Variants in TBC1D22A observed in about 807,000 individuals in gnomAD.
TBC1D22A encodes the protein TBC1 domain family member 22A, also known as putative GTPase activator.
In TBC1D22A, 38 loss-of-function variants were observed where a neutral mutation model predicts 60.2. That is an observed-to-expected ratio of 0.63 (90% confidence interval 0.49 to 0.83). The LOEUF is 0.83. Among genes scored for constraint, TBC1D22A ranks in the 40% least tolerant of loss-of-function variants. TBC1D22A has a pLI of 0.00. For missense variants in TBC1D22A, 628 were observed against 701.0 expected (o/e 0.90, Z 1.18); for synonymous variants, 302 against 281.7 (o/e 1.07, Z -0.72).
At chr22:47,153,469 G>A (rs1250496552) in intron 12 of TBC1D22A, among the ~76,000 whole-genome samples, 3 of 152,064 alleles carry the variant, frequency 2.0e-5, no homozygotes, top group Non-Finnish European at 2.9e-5. Context: ...TGACCCAGGG[G>A]CCAGGAGAGG....
chr22:47,062,486 C>G lies in TBC1D22A; in HGVS notation c.1329+25288C>G, dbSNP rs2063613698. ...TGAACCAATGTCCGTGTGTTCCTTTCTGTTTTATTCCAGAATACGGTGCAT... is the reference window on the plus strand; with the variant it reads ...TGAACCAATGTCCGTGTGTTCCTTTGTGTTTTATTCCAGAATACGGTGCAT... On this transcript the variant is annotated intron_variant, in intron 11 of 12. Coordinates refer to ENST00000337137, the MANE Select transcript of TBC1D22A (RefSeq NM_014346.5). 2.6e-5 allele frequency among the ~76,000 whole-genome samples: 4 copies of G among 152,302 alleles called. No individual in the cohort carries two copies. In the South Asian group the frequency reaches 8.3e-4, roughly 32 times the overall value.
intron 4 of TBC1D22A, among the ~76,000 whole-genome samples, chr22:46,826,413 A>G (rs1426943657): frequency 1.3e-5 from 2 of 152,226 alleles, no homozygotes; most frequent in Admixed American, 1.3e-4. Flanking sequence ...TAATTACTCA[A>G]TGTAAAATTA....
intron 6 of TBC1D22A, among the ~76,000 whole-genome samples, chr22:46,893,255 T>A (rs1345134724): frequency 6.6e-6 from 1 of 152,158 alleles, no homozygotes; most frequent in Non-Finnish European, 1.5e-5. Flanking sequence ...GGAGTCAGAG[T>A]TAAACGTTCA....
intron 12 of TBC1D22A, among the ~76,000 whole-genome samples, chr22:47,156,911 T>C (rs2067742332): frequency 1.3e-5 from 2 of 152,188 alleles, no homozygotes; most frequent in African/African-American, 4.8e-5. Flanking sequence ...CACAGCCCCA[T>C]GGTCTTCAGT....
At chr22:46,963,082 G>A (rs773505686) in intron 8 of TBC1D22A, among the ~76,000 whole-genome samples, 15 of 151,794 alleles carry the variant, frequency 9.9e-5, no homozygotes, top group Non-Finnish European at 1.5e-4. Context: ...TTAGCTGGGC[G>A]TGGTGGTGGG....
At chr22:46,802,949 G>C (rs944166064) in intron 4 of TBC1D22A, among the ~76,000 whole-genome samples, 23 of 152,212 alleles carry the variant, frequency 1.5e-4, no homozygotes, top group Non-Finnish European at 2.6e-4. Flanking sequence ...TTAGAGCCTG[G>C]GGTCTGCAGG....
chr22:47,083,278 G>A (rs5767477), intron 11 of TBC1D22A, among the ~76,000 whole-genome samples: 72,203 of 151,622 alleles, frequency 0.48, 17,968 homozygotes, highest in African/African-American at 0.6. Context: ...AGATCTCTGT[G>A]TTTTAAATTA....
At chr22:46,838,716 T>G (rs1160880249) in intron 4 of TBC1D22A, among the ~76,000 whole-genome samples, 3 of 152,186 alleles carry the variant, frequency 2.0e-5, no homozygotes, top group Non-Finnish European at 1.5e-5. Flanking sequence ...GACACTGTGA[T>G]TAATTGGGAT....
At chr22:46,870,211 C>T (rs960667463) in intron 4 of TBC1D22A, among the ~76,000 whole-genome samples, 1 of 152,202 alleles carries the variant, frequency 6.6e-6, no homozygotes, top group South Asian at 2.1e-4. Context: ...AGTCTTTGGC[C>T]AAGCTGGTCC....
At chr22:47,015,235 G>T (rs2061868451) in intron 10 of TBC1D22A, among the ~76,000 whole-genome samples, 2 of 152,208 alleles carry the variant, frequency 1.3e-5, no homozygotes, top group South Asian at 4.1e-4. Context: ...GATTTTGAGA[G>T]CCAGGATGCG....
chr22:47,063,076 G>C (rs1251680186), intron 11 of TBC1D22A, among the ~76,000 whole-genome samples: 1 of 152,204 alleles, frequency 6.6e-6, no homozygotes, highest in Non-Finnish European at 1.5e-5. Flanking sequence ...AGGATGGGCA[G>C]TTCTGGGTGC....
intron 12 of TBC1D22A, among the ~76,000 whole-genome samples, chr22:47,165,894 C>T (rs2068190998): frequency 1.3e-5 from 2 of 152,178 alleles, no homozygotes; most frequent in Admixed American, 1.3e-4. Flanking sequence ...TGTCAGGAGG[C>T]TGTGGAAAAG....
chr22:47,018,068 C>A (rs2061962817), intron 10 of TBC1D22A, among the ~76,000 whole-genome samples: 1 of 152,252 alleles, frequency 6.6e-6, no homozygotes, highest in African/African-American at 2.4e-5. Context: ...TGGACAGGTG[C>A]CCCAGAGATT....
intron 12 of TBC1D22A, among the ~76,000 whole-genome samples, chr22:47,170,295 T>C (rs914907592): frequency 5.3e-5 from 8 of 152,102 alleles, no homozygotes; most frequent in African/African-American, 1.9e-4. Context: ...GTTACCGTAA[T>C]GGGAGGGTAC....
chr22:46,956,717 G>A (rs774239528), intron 8 of TBC1D22A, among the ~76,000 whole-genome samples: 15 of 152,342 alleles, frequency 9.8e-5, no homozygotes, highest in Non-Finnish European at 8.8e-5. Flanking sequence ...TCCCCTCAGC[G>A]TGGCAGTGGT....
chr22:47,020,085 A>T (rs909710234), intron 10 of TBC1D22A, among the ~76,000 whole-genome samples: 6 of 152,054 alleles, frequency 3.9e-5, no homozygotes, highest in African/African-American at 1.4e-4. Context: ...CCATCCATCC[A>T]TTCATGGAAA....
intron 4 of TBC1D22A, among the ~76,000 whole-genome samples, chr22:46,826,875 C>G (rs1248085136): frequency 6.6e-6 from 1 of 152,092 alleles, no homozygotes; most frequent in African/African-American, 2.4e-5. Context: ...AGGACGGTTC[C>G]TGGCTTGCAG....
At chr22:47,023,449 T>TA (rs954369657) in intron 10 of TBC1D22A, among the ~76,000 whole-genome samples, 11 of 152,028 alleles carry the variant, frequency 7.2e-5, no homozygotes, top group African/African-American at 2.2e-4. Flanking sequence ...AATACTCAGT[T>TA]AAAAAAAATC....
In TBC1D22A at chr22:47,037,083, G is replaced by T; in HGVS notation, c.1214G>T (p.Arg405Leu). 6.2e-7 allele frequency: 1 copy of T among 1,613,672 alleles called. No individual in the cohort carries two copies. Among genetic ancestry groups the T allele is most frequent in the South Asian group, 1.1e-5 (1 of 91,082 alleles). Residue 405 changes from arginine to leucine, a missense_variant, in exon 11 of 13, where the codon CGG becomes CTG. Transcript: ENST00000337137. ...TTGTTTTGTGCAGAGCAAGTGCACC[G>T]GCACCTGGACCAACACGAAGTGAGA... The part of the protein sequence containing the change: ...LVSRIDEQVH[R>L]HLDQHEVRYL...
Sources: gnomAD v4.1 joint callset for allele counts (sites outside exome capture counted in the v4.1 genomes callset) on GRCh38, gnomAD v4.1.1 for gene constraint, MANE v1.5 for transcripts, NCBI Gene and HGNC (gene_info 2026-07-23, HGNC 2026-07-21) for gene names.